The following TSHZ3 variants were observed in gnomAD, a reference collection of about 807,000 sequenced individuals.
TSHZ3 encodes teashirt homolog 3.
In TSHZ3, 10 loss-of-function variants were observed where a neutral mutation model predicts 64.5. The observed-to-expected ratio is 0.16, with a 90% CI of 0.10 to 0.26. The LOEUF (loss-of-function observed/expected upper bound fraction) is 0.26, where lower values mean the gene tolerates loss of function less well. Among genes scored for constraint, TSHZ3 ranks in the 10% least tolerant of loss-of-function variants. The pLI, the probability that TSHZ3 is intolerant of heterozygous loss-of-function variation, is 1.00. For missense variants in TSHZ3, 1,242 were observed against 1,421.7 expected, an observed-to-expected ratio of 0.87 and a Z score of 2.03; for synonymous variants, 608 against 593.1, an observed-to-expected ratio of 1.03 and a Z score of -0.36.
At chr19:31,168,588 A>T (rs545001569) in intron 5 of TSHZ3, among the ~76,000 whole-genome samples, 1 of 152,352 alleles carries the variant, frequency 6.6e-6, no homozygotes, top group South Asian at 2.1e-4. Flanking sequence ...TATTATCATG[A>T]CTAACTCAAA....
At chr19:31,265,862 G>A (rs1976047800) in intron 1 of TSHZ3, among the ~76,000 whole-genome samples, 1 of 152,226 alleles carries the variant, frequency 6.6e-6, no homozygotes, top group South Asian at 2.1e-4. Flanking sequence ...TGCTGAGAAG[G>A]GTGGAGGGGC....
intron 5 of TSHZ3, among the ~76,000 whole-genome samples, chr19:31,174,747 T>G (rs1334876071): frequency 6.6e-6 from 1 of 152,206 alleles, no homozygotes; most frequent in Non-Finnish European, 1.5e-5. Context: ...GGAATTTTGC[T>G]GAGGCAAGGT....
chr19:31,277,807 C>T lies in TSHZ3; in HGVS notation c.1986G>A (p.Gly662=), dbSNP rs1230725403. The change falls in exon 2 of 2, where the codon GGG becomes GGA. Residue 662 remains glycine (G), a synonymous_variant. Transcript: ENST00000240587. The surrounding 1 kb of genome is among the most constrained non-coding windows in gnomAD (Gnocchi z 4.5). ...GGCTGTTCTCCTGGCTGCGGAAGCC[C>T]CCATCGCTGGATGCCTCCATCTTGA... ...EPIKMEASSD[G]GFRSQENSPS... The T allele has an allele frequency of 1.9e-6, 3 of 1,549,634 alleles. No homozygotes were observed. The highest frequency in any genetic ancestry group is 2.6e-6 in the Non-Finnish European group (3 of 1,150,590).
At chr19:31,184,940 T>C (rs1457312146) in intron 5 of TSHZ3, among the ~76,000 whole-genome samples, 1 of 152,226 alleles carries the variant, frequency 6.6e-6, no homozygotes, top group Non-Finnish European at 1.5e-5. Flanking sequence ...CTCTTTATTT[T>C]TCCCCCCAAG....
intron 1 of TSHZ3, among the ~76,000 whole-genome samples, chr19:31,246,988 T>G (rs1203054200): frequency 6.6e-6 from 1 of 152,186 alleles, no homozygotes; most frequent in African/African-American, 2.4e-5. Flanking sequence ...AATCATGATT[T>G]ATTGAATGAA....
rs2021614389 is a variant in TSHZ3 at position 31,349,091 on chromosome 19, G to C, written c.40+89C>G. The C allele has an allele frequency of 6.8e-6, 10 of 1,477,186 alleles. No homozygotes were observed. The South Asian group carries it at 1.1e-4, about 17-fold the overall frequency. 91.5% of individuals were successfully genotyped at this position (1,477,186 alleles called of 1,614,324 possible). On this transcript the variant is annotated intron_variant, in intron 1 of 1. Transcript: ENST00000240587. ...TTACTCAGTGCGGGCAGAAGAGCGGGGCGAGGAGCGGGGTCGCGCCCGCTG... is the reference window on the plus strand; with the variant it reads ...TTACTCAGTGCGGGCAGAAGAGCGGCGCGAGGAGCGGGGTCGCGCCCGCTG...
chr19:31,185,925 A>G (rs1287341036), intron 5 of TSHZ3, among the ~76,000 whole-genome samples: 2 of 152,138 alleles, frequency 1.3e-5, no homozygotes, highest in Non-Finnish European at 2.9e-5. Flanking sequence ...ATGGAATTCT[A>G]CAGAATGAAC....
At chr19:31,197,291 G>A (rs1326877413) in intron 5 of TSHZ3, among the ~76,000 whole-genome samples, 3 of 151,794 alleles carry the variant, frequency 2.0e-5, no homozygotes, top group African/African-American at 7.3e-5. Flanking sequence ...TAAAATTTGT[G>A]AGATGCAGCA....
At chr19:31,317,214 C>A (rs1281308482) in intron 1 of TSHZ3, among the ~76,000 whole-genome samples, 3 of 152,176 alleles carry the variant, frequency 2.0e-5, no homozygotes, top group Non-Finnish European at 4.4e-5. Context: ...CCAGCCCCAG[C>A]CCCAGCCAGA....
intron 1 of TSHZ3, among the ~76,000 whole-genome samples, chr19:31,320,505 T>C (rs915415157): frequency 2.6e-5 from 4 of 152,176 alleles, no homozygotes; most frequent in Non-Finnish European, 1.5e-5. Context: ...TGTTCTGTGC[T>C]CTGGGCCCAC....
chr19:31,154,396 T>C (rs564686141), intron 6 of TSHZ3, among the ~76,000 whole-genome samples: 1 of 152,160 alleles, frequency 6.6e-6, no homozygotes, highest in East Asian at 1.9e-4. Context: ...ATGACCAAGA[T>C]AGATATTATA....
intron 1 of TSHZ3, among the ~76,000 whole-genome samples, chr19:31,320,048 T>C (rs1916718390): frequency 6.6e-6 from 1 of 151,362 alleles, no homozygotes; most frequent in African/African-American, 2.5e-5. Flanking sequence ...CCTGACGTAT[T>C]AGGGAGCTCA....
chr19:31,154,368 G>A (rs1974276073), intron 6 of TSHZ3, among the ~76,000 whole-genome samples: 1 of 152,174 alleles, frequency 6.6e-6, no homozygotes, highest in Admixed American at 6.5e-5. Context: ...CTGTACCCAA[G>A]ACACTGAATT....
At chr19:31,253,982 G>A (rs1379511305) in intron 1 of TSHZ3, among the ~76,000 whole-genome samples, 3 of 152,140 alleles carry the variant, frequency 2.0e-5, no homozygotes, top group Non-Finnish European at 4.4e-5. Context: ...TGTGACTAAG[G>A]CAGAGGAGCT....
chr19:31,197,410 AAAG>A (rs1290604345), intron 5 of TSHZ3, among the ~76,000 whole-genome samples: 2 of 151,792 alleles, frequency 1.3e-5, no homozygotes, highest in African/African-American at 4.8e-5. Flanking sequence ...AAAATTAGAA[AAAG>A]AAGAACAAAT....
At chr19:31,287,484 G>C (rs1439147161) in intron 1 of TSHZ3, among the ~76,000 whole-genome samples, 1 of 152,040 alleles carries the variant, frequency 6.6e-6, no homozygotes, top group East Asian at 1.9e-4. Flanking sequence ...GAAGAGGCAG[G>C]GAAAGGAGAA....
intron 1 of TSHZ3, among the ~76,000 whole-genome samples, chr19:31,285,535 C>T (rs1403961284): frequency 1.3e-5 from 2 of 149,742 alleles, no homozygotes; most frequent in Non-Finnish European, 3.0e-5. Flanking sequence ...GTAATCCTAG[C>T]ACTTTGGGAG....
chr19:31,225,908 C>A (rs942602676), intron 4 of TSHZ3, among the ~76,000 whole-genome samples: 6 of 152,142 alleles, frequency 3.9e-5, no homozygotes, highest in African/African-American at 1.4e-4. Context: ...AGGTGGATTG[C>A]TTGAGGACAG....
intron 6 of TSHZ3, among the ~76,000 whole-genome samples, chr19:31,153,762 TG>T (rs1250087001): frequency 1.3e-5 from 2 of 152,236 alleles, no homozygotes; most frequent in Non-Finnish European, 2.9e-5. Context: ...TGACTAAATA[TG>T]TGCTTAATAT....
Sources: gnomAD v4.1 joint callset for allele counts (sites outside exome capture counted in the v4.1 genomes callset) on GRCh38, gnomAD v4.1.1 for gene constraint, Gnocchi (gnomAD v3.1) non-coding constraint, MANE v1.5 for transcripts, NCBI Gene and HGNC (gene_info 2026-07-23, HGNC 2026-07-21) for gene names.